Variants in SCIN observed in about 807,000 individuals in gnomAD.
The protein encoded by SCIN is adseverin.
Under a neutral mutation model 91.8 loss-of-function variants are expected in SCIN, and 91 were observed. That is an observed-to-expected ratio of 0.99 (90% CI 0.84 to 1.18). The LOEUF is 1.18. SCIN is among the 50% of genes most tolerant of loss of function. The pLI, the probability that SCIN is intolerant of heterozygous loss-of-function variation, is 0.00. For synonymous variants in SCIN, 367 were observed against 312.6 expected (o/e 1.17, Z -1.84); for missense variants, 1,087 against 863.9 (o/e 1.26, Z -3.24).
intron 4 of SCIN, among the ~76,000 whole-genome samples, chr7:12,608,899 C>T (rs983017458): frequency 6.6e-6 from 1 of 152,152 alleles, no homozygotes; most frequent in Non-Finnish European, 1.5e-5. Flanking sequence ...ATATTTTAAT[C>T]AATTAAATGA....
chr7:12,625,308 A>G (rs1308446674), intron 6 of SCIN, among the ~76,000 whole-genome samples, 166 bp downstream of exon 6: 1 of 151,954 alleles, frequency 6.6e-6, no homozygotes, highest in Non-Finnish European at 1.5e-5. Context: ...TACCAACATC[A>G]TATACCAGGG....
intron 9 of SCIN, among the ~76,000 whole-genome samples, chr7:12,632,139 A>ATTTTATTTTCATTTTATTTTATT (rs1783658552): frequency 3.6e-5 from 5 of 139,636 alleles, no homozygotes; most frequent in African/African-American, 1.2e-4. Flanking sequence ...ATTTTATTTT[A>ATTTTATTTTCATTTTATTTTATT]TTTTATTTTA....
intron 2 of SCIN, among the ~76,000 whole-genome samples, chr7:12,578,909 G>GTTTTGTTTTTTTTTTTTTTTTTTTT (rs1782428883): frequency 1.2e-5 from 1 of 85,898 alleles, no homozygotes; most frequent in African/African-American, 5.2e-5. Context: ...TATAGGACAG[G>GTTTTGTTTTTTTTTTTTTTTTTTTT]TTTTTTTTTT....
chr7:12,604,044 C>T (rs930771623), intron 3 of SCIN, among the ~76,000 whole-genome samples: 1 of 151,798 alleles, frequency 6.6e-6, no homozygotes, highest in Admixed American at 6.6e-5. Context: ...CTTGATTCAG[C>T]CATTCCACAA....
intron 4 of SCIN, among the ~76,000 whole-genome samples, chr7:12,610,326 A>C (rs184601043): frequency 1.4e-3 from 213 of 152,354 alleles, no homozygotes; most frequent in African/African-American, 4.9e-3. Flanking sequence ...TTGAATAGTG[A>C]AGATAGTTCT....
At chr7:12,592,393 G>T (rs554457968) in intron 3 of SCIN, among the ~76,000 whole-genome samples, 1 of 152,278 alleles carries the variant, frequency 6.6e-6, no homozygotes, top group East Asian at 1.9e-4. Flanking sequence ...GACTGCATGA[G>T]CAGAGCTTGT....
At chr7:12,608,022 A>T (rs1783114002) in intron 4 of SCIN, among the ~76,000 whole-genome samples, 1 of 152,208 alleles carries the variant, frequency 6.6e-6, no homozygotes, top group Non-Finnish European at 1.5e-5. Flanking sequence ...TTTTCAGCTC[A>T]CATTATAGCT....
Position 12,629,135 on chromosome 7 carries a change from T to C in SCIN, c.1232T>C (p.Val411Ala), listed in dbSNP as rs188068227. The change falls in exon 9 of 16, where the codon GTT becomes GCT. Residue 411 changes from valine (V) to alanine (A), a missense_variant. Val to Ala is a moderately conservative substitution (Grantham distance 64). Coordinates refer to ENST00000297029, the MANE Select transcript of SCIN (RefSeq NM_001112706.3). ...GTAGAAAACAATGGTAGGATCCAAG[T>C]TGACCAAAACTCATATGGTGAATTC... Reference protein sequence around the residue: ...WRVENNGRIQVDQNSYGEFYG... With the variant: ...WRVENNGRIQADQNSYGEFYG... 107 of 1,613,230 alleles carry C rather than the reference T, an allele frequency of 6.6e-5. No individual in the cohort carries two copies. Among genetic ancestry groups the C allele is most frequent in the African/African-American group, 1.6e-4 (12 of 75,020 alleles).
chr7:12,623,025 G>A lies in SCIN; in HGVS notation c.759+132G>A, dbSNP rs1471383104. ...GCTCTCCAAGAGCAATGTGTAGATA[G>A]AATCAGTTCTTTGCTCTTGTATGTT... On this transcript the variant is annotated intron_variant, in intron 5 of 15. Transcript: ENST00000297029. 1.1e-5 allele frequency: 6 copies of A among 533,396 alleles called. No homozygotes were observed. In the South Asian group the frequency reaches 1.2e-4, roughly 10 times the overall value. 33.0% of individuals were successfully genotyped at this position (533,396 alleles called of 1,614,324 possible). A position where few individuals can be genotyped will look rare whatever the true frequency, so the allele number is the denominator to read the frequency against.
At position 12,651,273 on chromosome 7, in the gene SCIN, C is replaced by G. The variant is rs758944775; in HGVS notation, c.1960-568C>G. 1.1e-4 allele frequency among the ~76,000 whole-genome samples: 17 copies of G among 152,076 alleles called. No homozygotes were observed. The highest frequency in any genetic ancestry group is 2.2e-4 in the Non-Finnish European group (15 of 68,018). On this transcript the variant is annotated intron_variant, in intron 14 of 15. Coordinates refer to ENST00000297029, the MANE Select transcript of SCIN (RefSeq NM_001112706.3). This position sits in a 1 kb window ranked among gnomAD's most constrained non-coding sequence, Gnocchi z 5.9. ...ATAGATGGTAAATGTTTCTTTCAGA[C>G]CTTTAAGAGTGTGATACTCTCAGTT...
At chr7:12,586,442 C>A (rs537751831) in intron 3 of SCIN, among the ~76,000 whole-genome samples, 2 of 152,054 alleles carry the variant, frequency 1.3e-5, no homozygotes, top group South Asian at 2.1e-4. Flanking sequence ...GACAAATGCT[C>A]ATGAGGATGC....
rs115792427 is a variant in SCIN at position 12,619,985 on chromosome 7, A to T, written c.667-2816A>T. 8.2e-3 allele frequency among the ~76,000 whole-genome samples: 1,251 copies of T among 152,120 alleles called. 10 individuals carry two copies. Among genetic ancestry groups the T allele is most frequent in the African/African-American group, 0.029 (1,189 of 41,536 alleles). Reference sequence around the variant, plus strand: ...AATCTTTTTTATTTTTTAGTTTTTTAAAATTTAAAAATAAATTTTAAATGT... The same window carrying T: ...AATCTTTTTTATTTTTTAGTTTTTTTAAATTTAAAAATAAATTTTAAATGT... On this transcript the variant is annotated intron_variant, in intron 4 of 15. Transcript: ENST00000297029.
intron 9 of SCIN, among the ~76,000 whole-genome samples, chr7:12,635,588 G>A (rs573388096): frequency 8.1e-6 from 1 of 124,132 alleles, no homozygotes; most frequent in South Asian, 2.9e-4. Context: ...CTCCAGCCCG[G>A]GCGACAGTGC....
chr7:12,622,661 G>A, intron 4 of SCIN, 140 bp from the exon 5 acceptor site: 1 of 621,396 alleles, frequency 1.6e-6, no homozygotes, highest in Non-Finnish European at 2.8e-6. Flanking sequence ...TACCTTGTAT[G>A]CATTGATGAG....
chr7:12,606,247 G>A (rs537245541), intron 4 of SCIN, among the ~76,000 whole-genome samples: 9 of 152,204 alleles, frequency 5.9e-5, no homozygotes, highest in South Asian at 2.1e-4. Context: ...AAACTTCTGC[G>A]TTTAATAGTG....
At chr7:12,583,467 C>G (rs1782528516) in intron 3 of SCIN, among the ~76,000 whole-genome samples, 1 of 152,084 alleles carries the variant, frequency 6.6e-6, no homozygotes, top group African/African-American at 2.4e-5. Context: ...AGGATGGGTC[C>G]TGGGTTTTTC....
chr7:12,598,359 T>C (rs1043712835), intron 3 of SCIN, among the ~76,000 whole-genome samples: 9 of 152,038 alleles, frequency 5.9e-5, no homozygotes, highest in African/African-American at 1.9e-4. Context: ...AGTGGTGAAG[T>C]AGTCATAACT....
rs1784124504 is a variant in SCIN, at chr7:12,653,612, A to T, written c.*897A>T. ...AAGCCTTTGAAAACACAGCTCTTTCATGACAAAATGAATTGTATTGTTATC... is the reference window on the plus strand; with the variant it reads ...AAGCCTTTGAAAACACAGCTCTTTCTTGACAAAATGAATTGTATTGTTATC... On this transcript the variant is annotated 3_prime_UTR_variant, in exon 16 of 16. Coordinates refer to ENST00000297029, the MANE Select transcript of SCIN (RefSeq NM_001112706.3). This position sits in a 1 kb window ranked among gnomAD's most constrained non-coding sequence, Gnocchi z 4.1. 1 of 152,152 alleles carries T rather than the reference A, an allele frequency of 6.6e-6. No homozygotes were observed. The highest frequency in any genetic ancestry group is 2.1e-4 in the South Asian group (1 of 4,828). 9.4% of individuals were successfully genotyped at this position (152,152 alleles called of 1,614,324 possible).
At chr7:12,585,548 G>A (rs1449495004) in intron 3 of SCIN, among the ~76,000 whole-genome samples, 2 of 152,050 alleles carry the variant, frequency 1.3e-5, no homozygotes, top group Non-Finnish European at 2.9e-5. Context: ...TTCATGTTAT[G>A]TGTGTCATAA....
Sources: allele counts gnomAD v4.1 joint callset (sites outside exome capture counted in the v4.1 genomes callset), GRCh38; gene constraint gnomAD v4.1.1; non-coding constraint Gnocchi (gnomAD v3.1); transcripts MANE v1.5; gene names NCBI Gene and HGNC (gene_info 2026-07-23, HGNC 2026-07-21).